Variants in UBE3C observed in about 807,000 individuals in gnomAD.
UBE3C encodes ubiquitin-protein ligase E3C.
Under a neutral mutation model 129.4 loss-of-function variants are expected in UBE3C, and 42 were observed. That is an observed-to-expected ratio of 0.32 (90% CI 0.25 to 0.42). The LOEUF (loss-of-function observed/expected upper bound fraction) is 0.42, where lower values mean the gene tolerates loss of function less well. UBE3C is among the 10% of genes least tolerant of loss of function. UBE3C has a pLI of 1.00. For missense variants in UBE3C, 1,049 were observed against 1,319.1 expected (o/e 0.80, Z 3.17); for synonymous variants, 510 against 492.4 (o/e 1.04, Z -0.47).
intron 4 of UBE3C, among the ~76,000 whole-genome samples, chr7:157,174,597 T>C (rs1221213373): frequency 1.3e-5 from 2 of 152,048 alleles, no homozygotes; most frequent in East Asian, 1.9e-4. Flanking sequence ...GGACTACCGA[T>C]GTGTGCCACC....
rs1466025162 is a variant in UBE3C at position 157,171,662 on chromosome 7, A to T, written c.342+1212A>T. Among the ~76,000 whole-genome samples, 107 of 21,626 alleles carry T rather than the reference A, an allele frequency of 4.9e-3. 2 individuals carry two copies. The highest frequency in any genetic ancestry group is 0.024 in the South Asian group (15 of 634). 14.2% of individuals were successfully genotyped at this position (21,626 alleles called of 152,430 possible). On this transcript the variant is annotated intron_variant, in intron 4 of 22. Coordinates refer to ENST00000348165, the MANE Select transcript of UBE3C (RefSeq NM_014671.3). ...GGTTATATACATTTTTAAATATTTT[A>T]TATATATATATATATATATATATAT... is the stretch of plus-strand genomic sequence containing the variant.
chr7:157,210,611 C>A (rs1809564407), intron 13 of UBE3C, among the ~76,000 whole-genome samples: 1 of 152,176 alleles, frequency 6.6e-6, no homozygotes, highest in Admixed American at 6.5e-5. Context: ...ATTCTACACT[C>A]CCCTTCTGAA....
intron 18 of UBE3C, among the ~76,000 whole-genome samples, chr7:157,241,372 A>G (rs1183060626): frequency 6.6e-6 from 1 of 152,254 alleles, no homozygotes; most frequent in African/African-American, 2.4e-5. Context: ...TGGCATATAT[A>G]TGAAGGACTC....
chr7:157,169,739 T>C (rs1808314986), intron 3 of UBE3C, among the ~76,000 whole-genome samples: 1 of 152,128 alleles, frequency 6.6e-6, no homozygotes, highest in Non-Finnish European at 1.5e-5. Flanking sequence ...TGGAGTGCAG[T>C]TGCACGATCT....
chr7:157,184,071 A>G, intron 9 of UBE3C, 42 bp downstream of exon 9: 1 of 1,597,510 alleles, frequency 6.3e-7, no homozygotes, highest in East Asian at 2.2e-5. Context: ...CGATGCAGGC[A>G]GCCCCGTCGG....
chr7:157,195,412 A>G (rs1809090411), intron 10 of UBE3C, among the ~76,000 whole-genome samples: 1 of 152,244 alleles, frequency 6.6e-6, no homozygotes. Context: ...GTGAAAAAGT[A>G]AAGATGATTG....
At chr7:157,164,328 T>C in intron 2 of UBE3C, 1 of 456,282 alleles carries the variant, frequency 2.2e-6, no homozygotes. Context: ...AGCTAATTTT[T>C]AAGATTTTTA....
At chr7:157,143,171 A>T (rs1807505586) in intron 1 of UBE3C, among the ~76,000 whole-genome samples, 1 of 151,596 alleles carries the variant, frequency 6.6e-6, no homozygotes, top group African/African-American at 2.4e-5. Flanking sequence ...TCAGCCTGAA[A>T]TTTTTTTTTA....
intron 17 of UBE3C, among the ~76,000 whole-genome samples, chr7:157,230,497 C>G (rs1275298609): frequency 6.6e-6 from 1 of 151,590 alleles, no homozygotes; most frequent in African/African-American, 2.4e-5. Context: ...GAGTTCGAGA[C>G]CAGCCTGGCC....
intron 11 of UBE3C, among the ~76,000 whole-genome samples, chr7:157,206,354 T>C (rs930449733): frequency 7.9e-5 from 12 of 151,404 alleles, no homozygotes; most frequent in African/African-American, 2.9e-4. Context: ...CCTCCGCTGC[T>C]CGGGTTCAAG....
In UBE3C at chr7:157,163,812, G is replaced by A. The variant is rs115664366; in HGVS notation, c.69G>A (p.Glu23=). 9.4e-4 allele frequency: 1,512 copies of A among 1,613,330 alleles called. 14 individuals are homozygous for A. The African/African-American group carries it at 0.018, about 19-fold the overall frequency. Residue 23 remains glutamate (E), a splice_region_variant and synonymous_variant, in exon 2 of 23, where the codon GAG becomes GAA. Transcript: ENST00000348165. ...KVSLGGASRK[E]EKASLLHRTQ... ...CTTTTTTCTCTGTTTGGGTGTAGGAGGAAAAGGCTTCTCTTTTACATCGTA... is the reference window on the plus strand; with the variant it reads ...CTTTTTTCTCTGTTTGGGTGTAGGAAGAAAAGGCTTCTCTTTTACATCGTA...
chr7:157,178,907 C>G, intron 6 of UBE3C, 60 bp downstream of exon 6: 1 of 1,575,620 alleles, frequency 6.3e-7, no homozygotes, highest in Non-Finnish European at 8.7e-7. Context: ...TGAGCAGAGG[C>G]CAGCCTGCTG....
At chr7:157,175,137 C>CCTT in intron 5 of UBE3C, 103 bp downstream of exon 5, 2 of 249,756 alleles carry the variant, frequency 8.0e-6, no homozygotes, top group African/African-American at 4.3e-5. Context: ...CTTTTCCATA[C>CCTT]TTTTTTTTTT....
chr7:157,196,154 G>GGTTTT (rs879502990), intron 10 of UBE3C, among the ~76,000 whole-genome samples: 1 of 152,162 alleles, frequency 6.6e-6, no homozygotes, highest in Non-Finnish European at 1.5e-5. Flanking sequence ...ATAGAAGGCC[G>GGTTTT]CAAGCCAAGG....
intron 17 of UBE3C, among the ~76,000 whole-genome samples, chr7:157,228,946 A>G (rs983125806): frequency 6.6e-6 from 1 of 152,210 alleles, no homozygotes; most frequent in Admixed American, 6.5e-5. Context: ...TGGAGGCTCT[A>G]TCAAACATTC....
rs1355240551 is a variant in UBE3C at position 157,223,356 on chromosome 7, G to A, written c.2100+5G>A. On this transcript the variant is annotated splice_donor_5th_base_variant and intron_variant, in intron 16 of 22. Transcript: ENST00000348165. ...CCATTTGAGGAACGAGTAAAGGTATGCAATTTGGCTTCTTTATTGTCACTA... is the reference window on the plus strand; with the variant it reads ...CCATTTGAGGAACGAGTAAAGGTATACAATTTGGCTTCTTTATTGTCACTA... The A allele has an allele frequency of 8.1e-6, 13 of 1,607,048 alleles. No individual in the cohort carries two copies. Among genetic ancestry groups the A allele is most frequent in the Non-Finnish European group, 1.1e-5 (13 of 1,177,248 alleles).
At chr7:157,153,839 C>CAAAA (rs1305118248) in intron 1 of UBE3C, among the ~76,000 whole-genome samples, 3 of 151,242 alleles carry the variant, frequency 2.0e-5, no homozygotes, top group East Asian at 1.9e-4. Flanking sequence ...AACAAACAAA[C>CAAAA]AAAAAAACGG....
chr7:157,182,889 C>T (rs888790501), intron 8 of UBE3C, among the ~76,000 whole-genome samples: 9 of 152,096 alleles, frequency 5.9e-5, no homozygotes, highest in Admixed American at 2.0e-4. Context: ...GCTGGGACTA[C>T]AGGTGCACGC....
At chr7:157,141,471 C>T (rs1168836046) in intron 1 of UBE3C, among the ~76,000 whole-genome samples, 2 of 152,230 alleles carry the variant, frequency 1.3e-5, no homozygotes, top group African/African-American at 2.4e-5. Flanking sequence ...GCCCACTGCA[C>T]ACCTAGCTGC....
Sources: allele counts gnomAD v4.1 joint callset (sites outside exome capture counted in the v4.1 genomes callset), GRCh38; gene constraint gnomAD v4.1.1; transcripts MANE v1.5; gene names NCBI Gene and HGNC (gene_info 2026-07-23, HGNC 2026-07-21).